Variants in RAB3IL1 observed in about 807,000 individuals in gnomAD.
RAB3IL1 encodes the protein guanine nucleotide exchange factor for Rab-3A.
A neutral mutation model predicts 49.2 loss-of-function variants in RAB3IL1; 37 were observed. The ratio of observed to expected loss-of-function variants is 0.75; its 90% CI spans 0.58 to 0.99. RAB3IL1 has a LOEUF of 0.99. Ranked by LOEUF, RAB3IL1 falls within the 50% of genes least tolerant of loss-of-function variation. The pLI is 0.00. For missense variants in RAB3IL1, 484 were observed against 513.0 expected (o/e 0.94, Z 0.55); for synonymous variants, 193 against 213.9 (o/e 0.90, Z 0.85).
the RAB3IL1 span, among the ~76,000 whole-genome samples, chr11:61,934,352 A>ACACACG: frequency 1.1e-5 from 1 of 90,510 alleles, no homozygotes; most frequent in Admixed American, 1.3e-4. Context: ...ACACACACAC[A>ACACACG]TATGTATATA....
At chr11:61,934,810 T>TTA in the RAB3IL1 span, among the ~76,000 whole-genome samples, 5 of 152,114 alleles carry the variant, frequency 3.3e-5, no homozygotes, top group Admixed American at 3.3e-4. Context: ...ATCACTGTTC[T>TTA]AGGTATTTAA....
intron 2 of RAB3IL1, 80 bp from the exon 3 acceptor site, chr11:61,907,740 G>A: frequency 7.8e-7 from 1 of 1,287,506 alleles, no homozygotes; most frequent in Non-Finnish European, 1.1e-6. Flanking sequence ...ACCGGACCAG[G>A]TTCCATCCCC....
At chr11:61,939,656 A>G in the RAB3IL1 span, among the ~76,000 whole-genome samples, 1 of 152,008 alleles carries the variant, frequency 6.6e-6, no homozygotes, top group Non-Finnish European at 1.5e-5. Context: ...GACTCAAATT[A>G]CTAAAGTTAG....
chr11:61,933,825 G>T, the RAB3IL1 span, among the ~76,000 whole-genome samples: 1 of 152,184 alleles, frequency 6.6e-6, no homozygotes, highest in South Asian at 2.1e-4. Flanking sequence ...TGTGCCTGCA[G>T]TCCTAGCTAC....
At chr11:61,929,794 C>A in the RAB3IL1 span, among the ~76,000 whole-genome samples, 1 of 151,082 alleles carries the variant, frequency 6.6e-6, no homozygotes, top group Admixed American at 6.6e-5. Context: ...CCACGTTGGC[C>A]AAGATGGTCT....
intron 2 of RAB3IL1, 87 bp downstream of exon 2, chr11:61,907,967 C>T: frequency 2.0e-6 from 3 of 1,515,924 alleles, no homozygotes; most frequent in Admixed American, 2.0e-5. Context: ...CCCTTGGGCA[C>T]ATCTCTGGGC....
chr11:61,924,547 C>G (rs2521562), upstream of RAB3IL1, among the ~76,000 whole-genome samples: 1 of 151,884 alleles, frequency 6.6e-6, no homozygotes, highest in Non-Finnish European at 1.5e-5. Flanking sequence ...AGCGCCCCCA[C>G]GAAATGAATC....
the RAB3IL1 span, among the ~76,000 whole-genome samples, chr11:61,932,924 C>T: frequency 3.9e-5 from 6 of 152,200 alleles, no homozygotes; most frequent in East Asian, 9.7e-4. Flanking sequence ...GCTTGCACTA[C>T]CATGCCCAGC....
At position 61,908,128 on chromosome 11, in the gene RAB3IL1, G is replaced by A; in HGVS notation, c.190C>T (p.Leu64=). 1 of 1,604,126 alleles carries A rather than the reference G, an allele frequency of 6.2e-7. No homozygotes were observed. Among genetic ancestry groups the A allele is most frequent in the Non-Finnish European group, 8.5e-7 (1 of 1,177,416 alleles). ...PAAAQLDVLR[L]RSSSMEIREK... is the part of the protein sequence containing the mutation. ...CGGATCTCCATGGAAGAGCTGCGCA[G>A]GCGCAACACGTCCAGCTGGGCGGCT... The change falls in exon 2 of 10, where the codon CTG becomes TTG. Residue 64 remains leucine, a synonymous_variant. Transcript: ENST00000394836.
rs927820508 is a variant in RAB3IL1, at chr11:61,898,703, G to A, written c.1067-343C>T. ...GACAAGGCACAGATGCCTCCCTGGG[G>A]TCTCACAAGGACCCTGCGCAGTGAG... is the stretch of plus-strand genomic sequence containing the variant. On this transcript the variant is annotated intron_variant, in intron 9 of 9. Transcript: ENST00000394836. This position sits in a 1 kb window ranked among gnomAD's most constrained non-coding sequence, Gnocchi z 5.1. 4 of 482,336 alleles carry A rather than the reference G, an allele frequency of 8.3e-6. No individual in the cohort carries two copies. Among genetic ancestry groups the A allele is most frequent in the African/African-American group, 5.8e-5 (3 of 51,626 alleles). 29.9% of individuals were successfully genotyped at this position (482,336 alleles called of 1,614,324 possible). A position where few individuals can be genotyped will look rare whatever the true frequency, so the allele number is the denominator to read the frequency against.
chr11:61,912,727 G>A (rs1004522126), intron 1 of RAB3IL1, among the ~76,000 whole-genome samples: 5 of 152,142 alleles, frequency 3.3e-5, no homozygotes, highest in East Asian at 3.9e-4. Context: ...GATGAATGGC[G>A]GTTTTGGAGA....
At chr11:61,944,119 C>T in the RAB3IL1 span, among the ~76,000 whole-genome samples, 186 of 152,074 alleles carry the variant, frequency 1.2e-3, no homozygotes, top group African/African-American at 4.3e-3. Context: ...TTTTGTGCAT[C>T]AAGGAACCTC....
At chr11:61,904,476 G>A (rs574131640) in intron 7 of RAB3IL1, 70 bp downstream of exon 7, 45 of 1,424,690 alleles carry the variant, frequency 3.2e-5, no homozygotes, top group Admixed American at 1.9e-4. Context: ...ACCACCCCTC[G>A]GCACAGTAAA....
chr11:61,942,191 A>G, the RAB3IL1 span, among the ~76,000 whole-genome samples: 1 of 152,226 alleles, frequency 6.6e-6, no homozygotes, highest in East Asian at 1.9e-4. Context: ...AGCCTAGGCA[A>G]CAAGAGCAAA....
chr11:61,927,187 C>T, the RAB3IL1 span, among the ~76,000 whole-genome samples: 715 of 152,266 alleles, frequency 4.7e-3, 6 homozygotes, highest in East Asian at 0.025. Context: ...CTCCATCTCT[C>T]TCTTTTTCTC....
In RAB3IL1 at chr11:61,904,475, C is replaced by T. The variant is rs1939072543; in HGVS notation, c.899+71G>A. 29 of 1,421,364 alleles carry T rather than the reference C, an allele frequency of 2.0e-5. No homozygotes were observed. The South Asian group carries it at 2.7e-4, about 13-fold the overall frequency. The allele number at this position is 1,421,364 out of a possible 1,614,324, so 88.0% of individuals were successfully genotyped here. On this transcript the variant is annotated intron_variant, in intron 7 of 9. Coordinates refer to ENST00000394836, the MANE Select transcript of RAB3IL1 (RefSeq NM_013401.4). ...GCGCTGCTGCATCCTGACCACCCCT[C>T]GGCACAGTAAACACACGGCTTGGCG... is the stretch of plus-strand genomic sequence containing the variant.
At chr11:61,928,512 G>A in the RAB3IL1 span, among the ~76,000 whole-genome samples, 1 of 72,110 alleles carries the variant, frequency 1.4e-5, no homozygotes, top group Non-Finnish European at 3.8e-5. Context: ...CATGAAGCTA[G>A]GACCCTCAAA....
chr11:61,923,079 G>A (rs1028133923), upstream of RAB3IL1, among the ~76,000 whole-genome samples: 1 of 152,246 alleles, frequency 6.6e-6, no homozygotes. Flanking sequence ...GGCCGGGGGC[G>A]GGAGAGGGGA....
At chr11:61,943,598 T>C in the RAB3IL1 span, among the ~76,000 whole-genome samples, 3 of 152,038 alleles carry the variant, frequency 2.0e-5, no homozygotes, top group East Asian at 5.8e-4. Context: ...CCAGAATATA[T>C]AAATAATTCT....
Sources: gnomAD v4.1 joint callset for allele counts (sites outside exome capture counted in the v4.1 genomes callset) on GRCh38, gnomAD v4.1.1 for gene constraint, Gnocchi (gnomAD v3.1) non-coding constraint, MANE v1.5 for transcripts, NCBI Gene and HGNC (gene_info 2026-07-23, HGNC 2026-07-21) for gene names.